CRELD1: variants seen among roughly 807,000 people sequenced by gnomAD.
CRELD1 encodes CRELD disulfide isomerase 1, also known as protein disulfide isomerase CRELD1.
In CRELD1, 42 loss-of-function variants were observed where a neutral mutation model predicts 58.2. The ratio of observed to expected loss-of-function variants is 0.72; its 90% CI spans 0.56 to 0.93. The LOEUF (loss-of-function observed/expected upper bound fraction) is 0.93, where lower values mean the gene tolerates loss of function less well. Ranked by LOEUF, CRELD1 falls within the 40% of genes least tolerant of loss-of-function variation. The pLI, the probability that CRELD1 is intolerant of heterozygous loss-of-function variation, is 0.00. For missense variants in CRELD1, 500 were observed against 540.6 expected (o/e 0.92, Z 0.74); for synonymous variants, 222 against 202.0 (o/e 1.10, Z -0.84).
At chr3:9,937,487 G>T in intron 3 of CRELD1, 75 bp from the exon 4 acceptor site, 2 of 949,756 alleles carry the variant, frequency 2.1e-6, no homozygotes, top group East Asian at 2.4e-5. Flanking sequence ...GCACGAGGAA[G>T]GGTGGAGAGA....
intron 10 of CRELD1, chr3:9,943,881 C>T (rs765262696): frequency 6.8e-6 from 11 of 1,611,006 alleles, no homozygotes; most frequent in South Asian, 4.4e-5. Context: ...CCAGCAATTA[C>T]TGTGTCAGAT....
chr3:9,936,525 G>GTA (rs567131321), intron 3 of CRELD1, among the ~76,000 whole-genome samples: 17 of 139,814 alleles, frequency 1.2e-4, no homozygotes, highest in Non-Finnish European at 2.2e-4. Flanking sequence ...ATATGTCTGC[G>GTA]TATATATATG....
intron 7 of CRELD1, among the ~76,000 whole-genome samples, chr3:9,942,497 G>A (rs992239749): frequency 6.6e-6 from 1 of 152,132 alleles, no homozygotes; most frequent in Admixed American, 6.6e-5. Flanking sequence ...ACTCAGGAAG[G>A]GAGAAGGGAA....
chr3:9,940,503 CAAA>C (rs1398426485), intron 5 of CRELD1, among the ~76,000 whole-genome samples: 1 of 151,814 alleles, frequency 6.6e-6, no homozygotes, highest in Non-Finnish European at 1.5e-5. Context: ...CCGTCTCCAC[CAAA>C]AAAATACGAA....
At position 9,934,455 on chromosome 3, in the gene CRELD1, C is replaced by T. The variant is rs775164112; in HGVS notation, c.17C>T (p.Pro6Leu). The T allele has an allele frequency of 1.2e-6, 2 of 1,613,898 alleles. No homozygotes were observed. Among genetic ancestry groups the T allele is most frequent in the East Asian group, 2.2e-5 (1 of 44,878 alleles). The change falls in exon 2 of 11, where the codon CCG becomes CTG. Residue 6 changes from proline (P) to leucine (L), a missense_variant. Pro to Leu is a moderately conservative substitution (Grantham distance 98). Transcript: ENST00000452070. Reference protein sequence around the residue: MAPWPPKGLVPAMLWG... With the variant: MAPWPLKGLVPAMLWG... ...TGGGTAAAGATGGCCCCATGGCCCC[C>T]GAAGGGCCTAGTCCCAGCTATGCTC...
chr3:9,940,728 G>A, intron 5 of CRELD1, 122 bp from the exon 6 acceptor site: 1 of 657,508 alleles, frequency 1.5e-6, no homozygotes, highest in South Asian at 1.7e-5. Flanking sequence ...GGGAAAGGGG[G>A]AGGGGGAGGG....
chr3:9,941,528 C>T (rs1236732140), intron 7 of CRELD1, among the ~76,000 whole-genome samples: 1 of 152,084 alleles, frequency 6.6e-6, no homozygotes, highest in African/African-American at 2.4e-5. Context: ...CGGTGGCTCA[C>T]GCCTGTAATC....
At chr3:9,942,726 C>A in intron 7 of CRELD1, 87 bp from the exon 8 acceptor site, 3 of 1,036,520 alleles carry the variant, frequency 2.9e-6, no homozygotes, top group Non-Finnish European at 4.6e-6. Flanking sequence ...CCATTTAATC[C>A]CAGGCAAGAC....
At chr3:9,942,354 C>T (rs2085393287) in intron 7 of CRELD1, among the ~76,000 whole-genome samples, 1 of 151,812 alleles carries the variant, frequency 6.6e-6, no homozygotes, top group Non-Finnish European at 1.5e-5. Flanking sequence ...TCCAGGCTGG[C>T]AGGGGAGCTC....
Position 9,938,029 on chromosome 3 carries a change from C to A in CRELD1, c.383C>A (p.Pro128Gln). The change falls in exon 5 of 11, where the codon CCG (proline) becomes CAG (glutamine). Residue 128 changes from proline (P) to glutamine (Q), a missense_variant. Pro to Gln is a moderately conservative substitution (Grantham distance 76, BLOSUM62 -1). Coordinates refer to ENST00000452070, the MANE Select transcript of CRELD1 (RefSeq NM_001077415.3). ...CCCTGCCTCAGGCAGCAGGAGGCCC[C>A]GGACCTCTTCCAGTGGCTGTGCTCA... ...SWWFHKQQEA[P>Q]DLFQWLCSDS... 1 of 1,613,702 alleles carries A rather than the reference C, an allele frequency of 6.2e-7. No homozygotes were observed.
intron 7 of CRELD1, among the ~76,000 whole-genome samples, chr3:9,941,556 C>A (rs774067916): frequency 5.3e-5 from 8 of 151,636 alleles, no homozygotes; most frequent in Non-Finnish European, 1.0e-4. Context: ...TTTGGGAGGC[C>A]AAGGCGGGCA....
In CRELD1 at chr3:9,944,767, TGAAGGTG is replaced by T. The variant is rs2085473823; in HGVS notation, c.*191_*197del. The T allele has an allele frequency of 3.2e-6, 2 of 626,554 alleles. No homozygotes were observed. The highest frequency in any genetic ancestry group is 5.7e-6 in the Non-Finnish European group (2 of 349,448). 38.8% of individuals were successfully genotyped at this position (626,554 alleles called of 1,614,324 possible). On this transcript the variant is annotated 3_prime_UTR_variant, in exon 11 of 11. Transcript: ENST00000452070. ...AGGCCCCTGGGGTAAAAAGTAGCCC[TGAAGGTG>T]GATACCATGAGCTCTTCACCTGGCG...
intron 8 of CRELD1, 31 bp downstream of exon 8, chr3:9,942,927 G>C (rs200314842): frequency 1.1e-5 from 17 of 1,588,704 alleles, no homozygotes; most frequent in East Asian, 6.7e-5. Context: ...AGGAGGGGAC[G>C]TGAGGAGTGG....
At chr3:9,940,360 C>T (rs1035703915) in intron 5 of CRELD1, among the ~76,000 whole-genome samples, 2 of 152,150 alleles carry the variant, frequency 1.3e-5, no homozygotes, top group Admixed American at 1.3e-4. Flanking sequence ...CACGCCACTG[C>T]ACTCCAGCCT....
intron 1 of CRELD1, 146 bp downstream of exon 1, chr3:9,934,066 GCCT>G: frequency 2.9e-6 from 1 of 345,548 alleles, no homozygotes; most frequent in South Asian, 3.1e-5. Context: ...AACCCCTCTG[GCCT>G]CCTCTCCTTC....
chr3:9,944,695 C>T lies in CRELD1; in HGVS notation c.*116C>T, dbSNP rs559249246. 6 of 1,012,928 alleles carry T rather than the reference C, an allele frequency of 5.9e-6. No individual in the cohort carries two copies. The East Asian group carries it at 1.3e-4, about 22-fold the overall frequency. 62.7% of individuals were successfully genotyped at this position (1,012,928 alleles called of 1,614,324 possible). On this transcript the variant is annotated 3_prime_UTR_variant, in exon 11 of 11. Transcript: ENST00000452070. ...TATTTTTGAGAGTGGGGTAAGCACC[C>T]CTACCTGCCTTACAGAGCAGCCCAG...
At chr3:9,943,938 C>T in intron 10 of CRELD1, 2 of 1,477,564 alleles carry the variant, frequency 1.4e-6, no homozygotes, top group Non-Finnish European at 1.9e-6. Context: ...ACCCCTGAAA[C>T]AACCCGACGC....
At chr3:9,942,517 A>G (rs916581151) in intron 7 of CRELD1, among the ~76,000 whole-genome samples, 16 of 152,194 alleles carry the variant, frequency 1.1e-4, no homozygotes, top group African/African-American at 3.6e-4. Context: ...AAGAAAGTGC[A>G]TTGAGGAGTC....
intron 4 of CRELD1, 83 bp downstream of exon 4, chr3:9,937,755 G>A: frequency 1.0e-6 from 1 of 986,602 alleles, no homozygotes; most frequent in South Asian, 1.4e-5. Context: ...AAGCAGGGGG[G>A]TGCATGCTGG....
Sources: gnomAD v4.1 joint callset for allele counts (sites outside exome capture counted in the v4.1 genomes callset) on GRCh38, gnomAD v4.1.1 for gene constraint, MANE v1.5 for transcripts, NCBI Gene and HGNC (gene_info 2026-07-23, HGNC 2026-07-21) for gene names.